Variants in L3MBTL4 observed in about 807,000 individuals in gnomAD.
The protein encoded by L3MBTL4 is lethal(3)malignant brain tumor-like protein 4.
L3MBTL4 carries 70 observed loss-of-function variants against 84.5 expected under a neutral mutation model. The observed-to-expected ratio is 0.83, with a 90% CI of 0.68 to 1.01. The LOEUF is 1.01. Ranked by LOEUF, L3MBTL4 falls within the 50% of genes least tolerant of loss-of-function variation. L3MBTL4 has a pLI of 0.00. For missense variants in L3MBTL4, 715 were observed against 754.8 expected (o/e 0.95, Z 0.62); for synonymous variants, 274 against 259.8 (o/e 1.05, Z -0.52).
chr18:6,070,634 T>C (rs1171957434), intron 16 of L3MBTL4, among the ~76,000 whole-genome samples: 1 of 150,744 alleles, frequency 6.6e-6, no homozygotes, highest in Non-Finnish European at 1.5e-5. Context: ...CTGAGCAACA[T>C]AGTGAGATCC....
rs1473040538 is a variant in L3MBTL4 at position 6,291,611 on chromosome 18, T to G, written c.127+10292A>C. 2.0e-5 allele frequency among the ~76,000 whole-genome samples: 3 copies of G among 152,098 alleles called. 1 individual carries two copies. The East Asian group carries it at 5.8e-4, about 29-fold the overall frequency. ...CATACAATGGGGAAAGGACATTCGC[T>G]TCAATAAATGGTGCTGGGGAAACTG... On this transcript the variant is annotated intron_variant, in intron 4 of 18. Transcript: ENST00000317931.
At chr18:6,165,090 GGC>G (rs2145087682) in intron 13 of L3MBTL4, among the ~76,000 whole-genome samples, 1 of 152,256 alleles carries the variant, frequency 6.6e-6, no homozygotes, top group African/African-American at 2.4e-5. Context: ...AGCAATGGAA[GGC>G]AAAATGAATG....
At chr18:6,291,041 A>G (rs1019852528) in intron 4 of L3MBTL4, among the ~76,000 whole-genome samples, 3 of 152,206 alleles carry the variant, frequency 2.0e-5, no homozygotes, top group African/African-American at 7.2e-5. Flanking sequence ...AGCTGTAACT[A>G]GAGACATTCA....
intron 1 of L3MBTL4, among the ~76,000 whole-genome samples, chr18:6,347,083 A>G (rs2052945027): frequency 6.6e-6 from 1 of 152,128 alleles, no homozygotes; most frequent in African/African-American, 2.4e-5. Flanking sequence ...ACAGATGATA[A>G]ATCCTGTATG....
intron 16 of L3MBTL4, among the ~76,000 whole-genome samples, chr18:6,052,241 T>G (rs542759983): frequency 6.6e-6 from 1 of 152,292 alleles, no homozygotes; most frequent in Non-Finnish European, 1.5e-5. Flanking sequence ...TAGCTACTGA[T>G]AGCATGCTAC....
chr18:6,271,294 T>G (rs2048857192), intron 4 of L3MBTL4, among the ~76,000 whole-genome samples: 1 of 152,206 alleles, frequency 6.6e-6, no homozygotes, highest in Non-Finnish European at 1.5e-5. Flanking sequence ...TTAACTAGTT[T>G]TATTTAATTA....
chr18:6,149,505 A>G (rs191601420), intron 13 of L3MBTL4, among the ~76,000 whole-genome samples: 2,462 of 151,800 alleles, frequency 0.016, 24 homozygotes, highest in Non-Finnish European at 0.025. Flanking sequence ...GCCGCAATAA[A>G]CATACGTGTG....
At chr18:6,314,815 T>A (rs1409336106) in intron 1 of L3MBTL4, among the ~76,000 whole-genome samples, 2 of 152,224 alleles carry the variant, frequency 1.3e-5, no homozygotes, top group Admixed American at 6.5e-5. Context: ...TTCAAAAACA[T>A]TTTAATGATC....
rs779960723 is a variant in L3MBTL4 at position 6,017,185 on chromosome 18, T to C, written c.1445-47623A>G. Among the ~76,000 whole-genome samples, 9 of 152,324 alleles carry C rather than the reference T, an allele frequency of 5.9e-5. 1 individual carries two copies. The Middle Eastern group carries it at 0.01, about 173-fold the overall frequency. On this transcript the variant is annotated intron_variant, in intron 16 of 18. Transcript: ENST00000317931. Reference sequence around the variant, plus strand: ...AAGCATTCAGCATCTCCAGCAGAGATTGTTTTCTTCTTGGAAAATGATTTC... The same window carrying C: ...AAGCATTCAGCATCTCCAGCAGAGACTGTTTTCTTCTTGGAAAATGATTTC...
chr18:6,033,592 T>A (rs990931588), intron 16 of L3MBTL4, among the ~76,000 whole-genome samples: 2 of 152,240 alleles, frequency 1.3e-5, no homozygotes, highest in South Asian at 2.1e-4. Context: ...CGATTACATT[T>A]CTTGTAATTA....
chr18:6,196,754 C>T (rs1025151725), intron 12 of L3MBTL4, among the ~76,000 whole-genome samples: 4 of 152,218 alleles, frequency 2.6e-5, no homozygotes, highest in East Asian at 3.9e-4. Context: ...CAGTAATAAG[C>T]CTAAGGGTGT....
At chr18:6,130,682 T>A (rs765040333) in intron 14 of L3MBTL4, among the ~76,000 whole-genome samples, 1 of 152,186 alleles carries the variant, frequency 6.6e-6, no homozygotes, top group Non-Finnish European at 1.5e-5. Flanking sequence ...TGTGTTCTAC[T>A]CATTTGGAAA....
At chr18:6,252,011 G>A (rs555186121) in intron 5 of L3MBTL4, among the ~76,000 whole-genome samples, 2 of 152,226 alleles carry the variant, frequency 1.3e-5, no homozygotes, top group South Asian at 4.1e-4. Flanking sequence ...CAATGCGGCT[G>A]CTCAAAAAAA....
At chr18:6,286,312 GA>G (rs968317771) in intron 4 of L3MBTL4, among the ~76,000 whole-genome samples, 24 of 151,538 alleles carry the variant, frequency 1.6e-4, no homozygotes, top group African/African-American at 5.6e-4. Flanking sequence ...AAAAATACAA[GA>G]ATTAGCTGGG....
chr18:6,410,016 C>G, intron 1 of L3MBTL4, among the ~76,000 whole-genome samples: 1 of 152,136 alleles, frequency 6.6e-6, no homozygotes, highest in South Asian at 2.1e-4. Flanking sequence ...TTCCATGCCC[C>G]GCTCCCCGGC....
At chr18:6,241,591 C>T in intron 7 of L3MBTL4, 142 bp from the exon 8 acceptor site, 2 of 531,572 alleles carry the variant, frequency 3.8e-6, no homozygotes, top group South Asian at 6.4e-5. Flanking sequence ...GCACCAACCT[C>T]ATATGGTTAT....
intron 4 of L3MBTL4, among the ~76,000 whole-genome samples, chr18:6,299,446 C>T (rs140065473): frequency 6.6e-6 from 1 of 152,300 alleles, no homozygotes; most frequent in African/African-American, 2.4e-5. Context: ...TGAGCACAGG[C>T]TTTAGAACTT....
intron 10 of L3MBTL4, among the ~76,000 whole-genome samples, chr18:6,229,065 T>C (rs2046891196): frequency 6.6e-6 from 1 of 152,320 alleles, no homozygotes; most frequent in South Asian, 2.1e-4. Context: ...AAAATTTTCA[T>C]ACTTATAATA....
At chr18:6,329,689 G>A (rs1599662330) in intron 1 of L3MBTL4, among the ~76,000 whole-genome samples, 2 of 152,066 alleles carry the variant, frequency 1.3e-5, no homozygotes, top group Non-Finnish European at 2.9e-5. Flanking sequence ...CATGGTGAGG[G>A]GGCTGAGCAC....
Sources: allele counts gnomAD v4.1 joint callset (sites outside exome capture counted in the v4.1 genomes callset), GRCh38; gene constraint gnomAD v4.1.1; transcripts MANE v1.5; gene names NCBI Gene and HGNC (gene_info 2026-07-23, HGNC 2026-07-21).